Variants in RIC8B observed in about 807,000 individuals in gnomAD.
RIC8B encodes RIC8 guanine nucleotide exchange factor B.
RIC8B carries 16 observed loss-of-function variants against 57.5 expected under a neutral mutation model. The ratio of observed to expected loss-of-function variants is 0.28; its 90% CI spans 0.19 to 0.42. The LOEUF (loss-of-function observed/expected upper bound fraction) is 0.42. Among genes scored for constraint, RIC8B ranks in the 10% least tolerant of loss-of-function variants. The probability of loss-of-function intolerance (pLI) is 1.00; values close to 1 mark genes in which losing one functional copy is unlikely to be tolerated. For synonymous variants in RIC8B, 216 were observed against 250.8 expected (o/e 0.86, Z 1.31); for missense variants, 481 against 677.0 (o/e 0.71, Z 3.21).
chr12:106,791,208 A>T (rs1399025790), intron 2 of RIC8B, among the ~76,000 whole-genome samples: 1 of 152,240 alleles, frequency 6.6e-6, no homozygotes, highest in Non-Finnish European at 1.5e-5. Flanking sequence ...CGTAAAACTG[A>T]TAAAAACCAT....
chr12:106,797,122 A>G (rs1401049796), intron 2 of RIC8B, among the ~76,000 whole-genome samples: 6 of 152,224 alleles, frequency 3.9e-5, no homozygotes, highest in Non-Finnish European at 4.4e-5. Context: ...AAAAGGTTGA[A>G]TAATTACCAT....
intron 2 of RIC8B, among the ~76,000 whole-genome samples, chr12:106,807,805 G>T (rs142538821): frequency 1.3e-5 from 2 of 152,250 alleles, no homozygotes; most frequent in Admixed American, 6.5e-5. Flanking sequence ...TTTAGGGGAG[G>T]CTGGGCACTG....
intron 7 of RIC8B, among the ~76,000 whole-genome samples, chr12:106,851,871 C>T (rs1949490396): frequency 2.6e-5 from 4 of 152,172 alleles, no homozygotes; most frequent in Admixed American, 2.6e-4. Flanking sequence ...CTTAATGGGG[C>T]AGGACATAGA....
At chr12:106,806,282 A>G (rs916972626) in intron 2 of RIC8B, among the ~76,000 whole-genome samples, 2 of 152,146 alleles carry the variant, frequency 1.3e-5, no homozygotes, top group African/African-American at 4.8e-5. Flanking sequence ...TTTGTGCTCT[A>G]GCATTGCCAG....
At position 106,879,101 on chromosome 12, in the gene RIC8B, A is replaced by G; in HGVS notation, c.1572-6803A>G. 2.0e-6 allele frequency: 2 copies of G among 985,832 alleles called. No homozygotes were observed. The highest frequency in any genetic ancestry group is 2.4e-6 in the Non-Finnish European group (2 of 829,924). The allele number at this position is 985,832 out of a possible 1,614,324, so 61.1% of individuals were successfully genotyped here. A position where few individuals can be genotyped will look rare whatever the true frequency, so the allele number is the denominator to read the frequency against. ...TTGAGTCGTTATCAAGCTAAGTGGC[A>G]AGCGGGAAGCTGAAACTCGTATAGG... On this transcript the variant is annotated intron_variant, in intron 9 of 9. Coordinates refer to ENST00000392837, the MANE Select transcript of RIC8B (RefSeq NM_001330145.2). The surrounding 1 kb of genome is among the most constrained non-coding windows in gnomAD (Gnocchi z 4.9).
At chr12:106,792,996 C>T (rs1315332145) in intron 2 of RIC8B, among the ~76,000 whole-genome samples, 2 of 152,172 alleles carry the variant, frequency 1.3e-5, no homozygotes, top group Admixed American at 1.3e-4. Context: ...CATTTCTCAT[C>T]CTGCCCCCAG....
intron 8 of RIC8B, among the ~76,000 whole-genome samples, chr12:106,864,229 C>T (rs1274519299): frequency 2.0e-5 from 3 of 152,036 alleles, no homozygotes; most frequent in African/African-American, 7.2e-5. Context: ...TTAAAGCACA[C>T]GCCACAAAAC....
At chr12:106,782,094 T>C (rs2043792732) in intron 1 of RIC8B, among the ~76,000 whole-genome samples, 1 of 152,180 alleles carries the variant, frequency 6.6e-6, no homozygotes, top group Non-Finnish European at 1.5e-5. Flanking sequence ...ATGAGTCTTC[T>C]TTTTAAAAAA....
At chr12:106,883,699 C>G (rs1478871511) in intron 9 of RIC8B, among the ~76,000 whole-genome samples, 1 of 140,938 alleles carries the variant, frequency 7.1e-6, no homozygotes, top group African/African-American at 2.5e-5. Flanking sequence ...TCTCCTCCCC[C>G]ACACACTATT....
At chr12:106,821,033 T>C (rs1236314277) in intron 3 of RIC8B, among the ~76,000 whole-genome samples, 3 of 152,186 alleles carry the variant, frequency 2.0e-5, no homozygotes, top group Non-Finnish European at 4.4e-5. Flanking sequence ...CCTGAAAATA[T>C]CAAAACTAAA....
intron 8 of RIC8B, among the ~76,000 whole-genome samples, chr12:106,865,069 A>G (rs1266624547): frequency 6.6e-6 from 1 of 152,172 alleles, no homozygotes; most frequent in Non-Finnish European, 1.5e-5. Flanking sequence ...GCTGGTGAAC[A>G]TGTGTCTACC....
In RIC8B at chr12:106,812,774, A is replaced by G. The variant is rs534497880; in HGVS notation, c.133-1922A>G. On this transcript the variant is annotated intron_variant, in intron 2 of 9. Transcript: ENST00000392837. ...TACTTTTAATTAATGGGCACATTATACTTTCCACTATCCCCAAACTACATT... is the reference window on the plus strand; with the variant it reads ...TACTTTTAATTAATGGGCACATTATGCTTTCCACTATCCCCAAACTACATT... Among the ~76,000 whole-genome samples the G allele has an allele frequency of 3.9e-5, 6 of 152,310 alleles. No homozygotes were observed. In the South Asian group the frequency reaches 1.2e-3, roughly 32 times the overall value.
chr12:106,856,545 T>G (rs1474168149), intron 7 of RIC8B, among the ~76,000 whole-genome samples: 1 of 152,240 alleles, frequency 6.6e-6, no homozygotes, highest in Non-Finnish European at 1.5e-5. Context: ...CGAGCTTTAC[T>G]TATCCTTGAA....
intron 9 of RIC8B, chr12:106,874,714 A>C: frequency 1.4e-5 from 8 of 588,376 alleles, no homozygotes; most frequent in African/African-American, 3.7e-5. Flanking sequence ...CAAGGAGCTC[A>C]TCACCTTAGC....
chr12:106,849,856 A>G (rs994704520), intron 6 of RIC8B, among the ~76,000 whole-genome samples: 1 of 152,244 alleles, frequency 6.6e-6, no homozygotes, highest in Non-Finnish European at 1.5e-5. Context: ...ATTAGTTTCT[A>G]TAGCTCTTTG....
chr12:106,839,182 A>C (rs560550696), intron 4 of RIC8B, among the ~76,000 whole-genome samples: 1 of 152,332 alleles, frequency 6.6e-6, no homozygotes, highest in East Asian at 1.9e-4. Flanking sequence ...ATCCAAAGGA[A>C]ATAAAATCAC....
chr12:106,851,419 T>A, intron 6 of RIC8B, 31 bp from the exon 7 acceptor site: 1 of 1,602,028 alleles, frequency 6.2e-7, no homozygotes, highest in African/African-American at 1.4e-5. Context: ...GTAGCCTCGA[T>A]TGATGATGGT....
rs565112503 is a variant in RIC8B at position 106,865,875 on chromosome 12, C to T, written c.1452-4948C>T. ...TACTATGTGTCAGGCACTGCAGACA[C>T]ACTCCTGCCTGAGGCCTTTCTGTTG... On this transcript the variant is annotated intron_variant, in intron 8 of 9. Coordinates refer to ENST00000392837, the MANE Select transcript of RIC8B (RefSeq NM_001330145.2). Among the ~76,000 whole-genome samples, 12 of 152,330 alleles carry T rather than the reference C, an allele frequency of 7.9e-5. No homozygotes were observed. The East Asian group carries it at 2.3e-3, about 29-fold the overall frequency.
At chr12:106,820,275 T>G (rs1001301737) in intron 3 of RIC8B, among the ~76,000 whole-genome samples, 1 of 152,218 alleles carries the variant, frequency 6.6e-6, no homozygotes, top group African/African-American at 2.4e-5. Context: ...CAGTGTTAAA[T>G]TCGTGCCTGC....
Sources: allele counts gnomAD v4.1 joint callset (sites outside exome capture counted in the v4.1 genomes callset), GRCh38; gene constraint gnomAD v4.1.1; non-coding constraint Gnocchi (gnomAD v3.1); transcripts MANE v1.5; gene names NCBI Gene and HGNC (gene_info 2026-07-23, HGNC 2026-07-21).